KRT25: variants seen among roughly 807,000 people sequenced by gnomAD.
KRT25 encodes keratin 25.
In KRT25, 37 loss-of-function variants were observed where a neutral mutation model predicts 47.6. The ratio of observed to expected loss-of-function variants is 0.78; its 90% CI spans 0.60 to 1.02. The LOEUF (loss-of-function observed/expected upper bound fraction) is 1.02, where lower values mean the gene tolerates loss of function less well. Ranked by LOEUF, KRT25 falls within the 50% of genes least tolerant of loss-of-function variation. The pLI, the probability that KRT25 is intolerant of heterozygous loss-of-function variation, is 0.00. For synonymous variants in KRT25, 203 were observed against 210.2 expected (o/e 0.97, Z 0.30); for missense variants, 542 against 550.3 (o/e 0.98, Z 0.15).
chr17:40,751,695 G>A (rs545259156), intron 3 of KRT25, among the ~76,000 whole-genome samples: 8 of 152,220 alleles, frequency 5.3e-5, no homozygotes, highest in African/African-American at 1.9e-4. Context: ...GTCCTCCATC[G>A]CTTATTCTAT....
rs781279008 is a variant in KRT25 at position 40,754,993 on chromosome 17, G to A, written c.279C>T (p.Tyr93=). 27 of 1,614,064 alleles carry A rather than the reference G, an allele frequency of 1.7e-5. No individual in the cohort carries two copies. The highest frequency in any genetic ancestry group is 2.7e-5 in the African/African-American group (2 of 74,916). Residue 93 remains tyrosine, a synonymous_variant, in exon 1 of 8, where the codon TAC becomes TAT. Coordinates refer to ENST00000312150, the MANE Select transcript of KRT25 (RefSeq NM_181534.4). Reference sequence around the variant, plus strand: ...CCTCCAGAGCATGCACACTGTCCAGGTAGGATGCCAGGCGGTCATTGAGGT... The same window carrying A: ...CCTCCAGAGCATGCACACTGTCCAGATAGGATGCCAGGCGGTCATTGAGGT... ...MQNLNDRLAS[Y]LDSVHALEEA... is the part of the protein sequence containing the mutation.
intron 3 of KRT25, among the ~76,000 whole-genome samples, chr17:40,752,636 ATATC>A (rs2038061092): frequency 6.6e-6 from 1 of 152,216 alleles, no homozygotes; most frequent in Admixed American, 6.5e-5. Context: ...ATCTATATCT[ATATC>A]TATATCTAGG....
At position 40,750,603 on chromosome 17, in the gene KRT25, A is replaced by G. The variant is rs1458028761; in HGVS notation, c.958-6T>C. The G allele has an allele frequency of 1.2e-6, 2 of 1,614,070 alleles. No homozygotes were observed. Among genetic ancestry groups the G allele is most frequent in the Non-Finnish European group, 1.7e-6 (2 of 1,179,908 alleles). ...GAGCACTCCAGGGAGTGTTTCTGTC[A>G]GGAAGCAATAAAGAGAACTTGAAAT... On this transcript the variant is annotated splice_region_variant and splice_polypyrimidine_tract_variant and intron_variant, in intron 5 of 7. Coordinates refer to ENST00000312150, the MANE Select transcript of KRT25 (RefSeq NM_181534.4).
chr17:40,754,146 G>T, intron 2 of KRT25, 130 bp from the exon 3 acceptor site: 2 of 918,634 alleles, frequency 2.2e-6, no homozygotes, highest in South Asian at 3.1e-5. Context: ...TTCAAAGCTT[G>T]TTGTATAATA....
Position 40,755,084 on chromosome 17 carries a change from G to A in KRT25, c.188C>T (p.Pro63Leu). 6.2e-7 allele frequency: 1 copy of A among 1,614,062 alleles called. No individual in the cohort carries two copies. The highest frequency in any genetic ancestry group is 8.5e-7 in the Non-Finnish European group (1 of 1,179,998). The change falls in exon 1 of 8, where the codon CCC becomes CTC. Residue 63 changes from proline (P) to leucine (L), a missense_variant. Transcript: ENST00000312150. ...SSGGNTGGGN[P>L]CAGFTVNERG... ...CTCATTCACAGTGAAGCCAGCACAG[G>A]GATTACCTCCCCCTGTGTTTCCTCC...
At chr17:40,752,776 T>C (rs2038062156) in intron 3 of KRT25, among the ~76,000 whole-genome samples, 2 of 152,240 alleles carry the variant, frequency 1.3e-5, no homozygotes, top group South Asian at 4.1e-4. Flanking sequence ...AGTAGTTATA[T>C]TTATAAGACA....
At position 40,754,388 on chromosome 17, in the gene KRT25, G is replaced by A. The variant is rs768457899; in HGVS notation, c.510C>T (p.Leu170=). 17 of 1,612,136 alleles carry A rather than the reference G, an allele frequency of 1.1e-5. No individual in the cohort carries two copies. The highest frequency in any genetic ancestry group is 8.9e-5 in the East Asian group (4 of 44,886). Residue 170 remains leucine, a splice_region_variant and synonymous_variant, in exon 2 of 8, where the codon CTC becomes CTT. Transcript: ENST00000312150. ...TTTCACTCTGGCAGTCTACTTACTT[G>A]AGTCTGAAATCATCAGCTGTAAGCC... is the stretch of plus-strand genomic sequence containing the variant. ...NARLTADDFR[L]KYENELALHQ... is the part of the protein sequence containing the mutation.
intron 1 of KRT25, 63 bp downstream of exon 1, chr17:40,754,780 G>T (rs1597794109): frequency 3.7e-5 from 44 of 1,185,484 alleles, no homozygotes; most frequent in South Asian, 5.3e-5. Context: ...ATTTAATAAA[G>T]AAAGGAAAAC....
intron 3 of KRT25, among the ~76,000 whole-genome samples, chr17:40,752,376 T>C (rs539643338): frequency 6.6e-6 from 1 of 152,136 alleles, no homozygotes; most frequent in Non-Finnish European, 1.5e-5. Context: ...ATACCACCCA[T>C]CAGCTTATGT....
chr17:40,750,918 C>A lies in KRT25; in HGVS notation c.957+36G>T, dbSNP rs1449040932. The A allele has an allele frequency of 4.4e-6, 7 of 1,609,052 alleles. No homozygotes were observed. The African/African-American group carries it at 8.0e-5, about 18-fold the overall frequency. On this transcript the variant is annotated intron_variant, in intron 5 of 7. Transcript: ENST00000312150. ...GCTGGCAAGTATCTAACATGATGAC[C>A]TGGGAGATGGTGAAAAAAAATTGTT... is the stretch of plus-strand genomic sequence containing the variant.
chr17:40,751,131 C>G (rs374506909), intron 4 of KRT25, 34 bp downstream of exon 4: 25 of 1,613,982 alleles, frequency 1.5e-5, no homozygotes, highest in Middle Eastern at 3.3e-4. Context: ...ATACCAGTAA[C>G]ATGCAAAGGG....
chr17:40,754,123 C>T (rs2038081890), intron 2 of KRT25, 107 bp from the exon 3 acceptor site: 28 of 1,099,548 alleles, frequency 2.5e-5, no homozygotes, highest in Non-Finnish European at 3.4e-5. Flanking sequence ...AAGATTTGGC[C>T]ACAAGAGGCA....
intron 1 of KRT25, among the ~76,000 whole-genome samples, 158 bp from the exon 2 acceptor site, chr17:40,754,626 G>A (rs189908692): frequency 1.3e-5 from 2 of 149,874 alleles, no homozygotes; most frequent in Admixed American, 1.3e-4. Context: ...GCTGAGGCAG[G>A]AGAATCTCTT....
At chr17:40,750,893 G>A in intron 5 of KRT25, 61 bp downstream of exon 5, 1 of 1,571,784 alleles carries the variant, frequency 6.4e-7, no homozygotes, top group Non-Finnish European at 8.7e-7. Flanking sequence ...TTTAAAACCA[G>A]CTGGCAAGTA....
In KRT25 at chr17:40,748,243, G is replaced by T; in HGVS notation, c.*34C>A. On this transcript the variant is annotated 3_prime_UTR_variant, in exon 8 of 8. Coordinates refer to ENST00000312150, the MANE Select transcript of KRT25 (RefSeq NM_181534.4). ...TACATAATGCCTTTTCTTCGCAGGG[G>T]CTATGTGGCATACGTTCTCTGTTGC... The T allele has an allele frequency of 7.2e-7, 1 of 1,383,278 alleles. No individual in the cohort carries two copies. The highest frequency in any genetic ancestry group is 2.3e-5 in the East Asian group (1 of 43,340). The allele number at this position is 1,383,278 out of a possible 1,614,324, so 85.7% of individuals were successfully genotyped here.
chr17:40,750,397 A>G lies in KRT25; in HGVS notation c.1158T>C (p.Leu386=). 1.2e-6 allele frequency: 2 copies of G among 1,613,848 alleles called. No individual in the cohort carries two copies. The highest frequency in any genetic ancestry group is 1.7e-6 in the Non-Finnish European group (2 of 1,179,786). Residue 386 remains leucine, a synonymous_variant, in exon 6 of 8, where the codon CTT becomes CTC. Coordinates refer to ENST00000312150, the MANE Select transcript of KRT25 (RefSeq NM_181534.4). ...LEKEIETYCL[L]IGGDDGACKS... ...TTACCTACCCATCATCTCCTCCTAT[A>G]AGGAGACAGTAGGTCTCAATTTCTT...
chr17:40,748,371 A>G lies in KRT25; in HGVS notation c.1259T>C (p.Ile420Thr), dbSNP rs377377841. Residue 420 changes from isoleucine to threonine, a missense_variant, in exon 8 of 8, where the codon ATA (isoleucine) becomes ACA (threonine). Ile to Thr is a moderately conservative substitution (Grantham distance 89). Coordinates refer to ENST00000312150, the MANE Select transcript of KRT25 (RefSeq NM_181534.4). The part of the protein sequence containing the change: ...GSQVKDPAKA[I>T]VVKKVLEEVD... Reference sequence around the variant, plus strand: ...CTCCTCAAGAACTTTCTTAACCACTATGGCTTTGGCTGGGTCTGAGCATTA... The same window carrying G: ...CTCCTCAAGAACTTTCTTAACCACTGTGGCTTTGGCTGGGTCTGAGCATTA... The G allele has an allele frequency of 2.5e-6, 4 of 1,611,490 alleles. No individual in the cohort carries two copies. Among genetic ancestry groups the G allele is most frequent in the Admixed American group, 1.7e-5 (1 of 59,610 alleles).
chr17:40,752,743 C>T (rs59418068), intron 3 of KRT25, among the ~76,000 whole-genome samples: 89 of 152,190 alleles, frequency 5.8e-4, no homozygotes, highest in African/African-American at 2.0e-3. Flanking sequence ...TTTGAATCCA[C>T]GTAGTCAAAT....
intron 7 of KRT25, 37 bp from the exon 8 acceptor site, chr17:40,748,423 T>A: frequency 7.6e-7 from 1 of 1,318,258 alleles, no homozygotes; most frequent in Non-Finnish European, 1.1e-6. Flanking sequence ...TTTATGTAGT[T>A]AAAAAAAGAA....
Sources: allele counts gnomAD v4.1 joint callset (sites outside exome capture counted in the v4.1 genomes callset), GRCh38; gene constraint gnomAD v4.1.1; transcripts MANE v1.5; gene names NCBI Gene and HGNC (gene_info 2026-07-23, HGNC 2026-07-21).